Variants in PDZD2 observed in about 807,000 individuals in gnomAD.
The protein encoded by PDZD2 is PDZ domain containing 2.
Under a neutral mutation model 220.7 loss-of-function variants are expected in PDZD2, and 90 were observed. That is an observed-to-expected ratio of 0.41 (90% CI 0.34 to 0.49). PDZD2 has a LOEUF of 0.49. PDZD2 is among the 20% of genes least tolerant of loss of function. The pLI, the probability that PDZD2 is intolerant of heterozygous loss-of-function variation, is 0.28. For missense variants in PDZD2, 3,174 were observed against 3,608.5 expected, an observed-to-expected ratio of 0.88 and a Z score of 3.08; for synonymous variants, 1,375 against 1,450.5, an observed-to-expected ratio of 0.95 and a Z score of 1.18.
At chr5:31,679,231 G>T (rs1256469514) in intron 1 of PDZD2, among the ~76,000 whole-genome samples, 2 of 152,250 alleles carry the variant, frequency 1.3e-5, no homozygotes, top group African/African-American at 4.8e-5. Flanking sequence ...AAAGATCCAT[G>T]CTGGATTGGC....
chr5:31,947,677 C>T (rs893939092), intron 2 of PDZD2, among the ~76,000 whole-genome samples: 4 of 152,086 alleles, frequency 2.6e-5, no homozygotes, highest in Admixed American at 2.0e-4. Context: ...ATTAGCTGGG[C>T]GTGGTGGCAC....
intron 2 of PDZD2, among the ~76,000 whole-genome samples, chr5:31,871,992 A>G (rs1483951506): frequency 1.3e-5 from 2 of 152,170 alleles, no homozygotes; most frequent in Non-Finnish European, 2.9e-5. Flanking sequence ...TGCCTGGCTA[A>G]AAAAGCAGAA....
intron 2 of PDZD2, among the ~76,000 whole-genome samples, chr5:31,969,243 A>C (rs952680880): frequency 6.6e-6 from 1 of 152,122 alleles, no homozygotes; most frequent in African/African-American, 2.4e-5. Flanking sequence ...ACGATGGCTC[A>C]TGCCTGTAAT....
intron 19 of PDZD2, among the ~76,000 whole-genome samples, chr5:32,079,374 C>A (rs997771799): frequency 6.6e-6 from 1 of 151,660 alleles, no homozygotes; most frequent in Non-Finnish European, 1.5e-5. Flanking sequence ...TCCCACTTGT[C>A]GAGCTCTGTG....
chr5:31,751,751 G>A (rs566147417), intron 1 of PDZD2, among the ~76,000 whole-genome samples: 1 of 152,252 alleles, frequency 6.6e-6, no homozygotes, highest in South Asian at 2.1e-4. Context: ...CAGCATCCTG[G>A]GAGAGGTGGT....
rs760039400 is a variant in PDZD2 at position 32,037,297 on chromosome 5, C to T, written c.1474C>T (p.Pro492Ser). 1.2e-6 allele frequency: 2 copies of T among 1,613,526 alleles called. No individual in the cohort carries two copies. Among genetic ancestry groups the T allele is most frequent in the Non-Finnish European group, 1.7e-6 (2 of 1,179,504 alleles). Residue 492 changes from proline (P) to serine (S), a missense_variant, in exon 7 of 25, where the codon CCC (proline) becomes TCC (serine). Pro to Ser is a moderately conservative substitution (Grantham distance 74). Coordinates refer to ENST00000438447, the MANE Select transcript of PDZD2 (RefSeq NM_178140.4). ...GGAATCCAAGGGGAACTTGGAAAGT[C>T]CCAAACAGGGCAGCAATAAAATCAA... Reference protein sequence around the residue: ...AEESKGNLESPKQGSNKIKLK... With the variant: ...AEESKGNLESSKQGSNKIKLK...
chr5:31,810,366 A>C (rs1035414403), intron 2 of PDZD2, among the ~76,000 whole-genome samples: 4 of 144,364 alleles, frequency 2.8e-5, no homozygotes, highest in South Asian at 2.3e-4. Context: ...GGGTTCATGC[A>C]ATTCTCCTGC....
intron 6 of PDZD2, among the ~76,000 whole-genome samples, chr5:32,036,663 C>T (rs10038454): frequency 0.025 from 3,739 of 152,216 alleles, 157 homozygotes; most frequent in African/African-American, 0.086. Context: ...TTCCAGGAGC[C>T]GTCTGATCAA....
chr5:31,915,567 C>A (rs888074513), intron 2 of PDZD2, among the ~76,000 whole-genome samples: 3 of 152,126 alleles, frequency 2.0e-5, no homozygotes, highest in East Asian at 3.8e-4. Flanking sequence ...GAGAAAACAC[C>A]CTGAAGGCGG....
chr5:32,089,672 G>A lies in PDZD2; in HGVS notation c.6224G>A (p.Gly2075Glu). The change falls in exon 20 of 25, where the codon GGA becomes GAA. Residue 2075 changes from glycine (G) to glutamate (E), a missense_variant. Coordinates refer to ENST00000438447, the MANE Select transcript of PDZD2 (RefSeq NM_178140.4). ...TAQPRPTGEK[G>E]GNIMASDRLE... ...CAACCCAGGCCGACTGGCGAAAAAG[G>A]AGGCAACATAATGGCCAGCGATCGC... is the stretch of plus-strand genomic sequence containing the variant. 1.9e-6 allele frequency: 3 copies of A among 1,614,190 alleles called. No homozygotes were observed. The South Asian group carries it at 3.3e-5, about 18-fold the overall frequency.
chr5:32,011,668 C>T (rs529714258), intron 6 of PDZD2, among the ~76,000 whole-genome samples: 9 of 152,236 alleles, frequency 5.9e-5, no homozygotes, highest in Middle Eastern at 6.8e-3. Context: ...CCTTCCCACT[C>T]TCCTGAACCT....
At chr5:31,910,244 T>C (rs2150367202) in intron 2 of PDZD2, among the ~76,000 whole-genome samples, 1 of 108,670 alleles carries the variant, frequency 9.2e-6, no homozygotes, top group East Asian at 2.2e-4. Flanking sequence ...TTTGGAGACT[T>C]AGTCTTGCTC....
chr5:31,832,135 C>T (rs994481411), intron 2 of PDZD2, among the ~76,000 whole-genome samples: 2 of 152,126 alleles, frequency 1.3e-5, no homozygotes, highest in Non-Finnish European at 2.9e-5. Flanking sequence ...TCAAGTGATC[C>T]TCCCACCTTG....
chr5:31,668,139 G>A lies in PDZD2; in HGVS notation c.-361+28702G>A, dbSNP rs143681725. ...GCCTTCCAAAGTACTGGGATTACAGGCGTGGGCCGCTGCACTTGGCCCAAA... is the reference window on the plus strand; with the variant it reads ...GCCTTCCAAAGTACTGGGATTACAGACGTGGGCCGCTGCACTTGGCCCAAA... On this transcript the variant is annotated intron_variant, in intron 1 of 24. Transcript: ENST00000438447. Among the ~76,000 whole-genome samples the A allele has an allele frequency of 1.9e-4, 29 of 152,286 alleles. No homozygotes were observed. The East Asian group carries it at 5.4e-3, about 28-fold the overall frequency.
chr5:32,078,788 G>C (rs1449351932), intron 19 of PDZD2, among the ~76,000 whole-genome samples: 1 of 148,312 alleles, frequency 6.7e-6, no homozygotes. Flanking sequence ...CTGGGTGACA[G>C]AACTAGACCC....
At chr5:31,864,677 G>A (rs1738029739) in intron 2 of PDZD2, among the ~76,000 whole-genome samples, 1 of 151,642 alleles carries the variant, frequency 6.6e-6, no homozygotes, top group Non-Finnish European at 1.5e-5. Context: ...GAACCACCAC[G>A]CCTGGCTAAT....
chr5:31,888,413 A>G (rs578163708), intron 2 of PDZD2, among the ~76,000 whole-genome samples: 2 of 152,280 alleles, frequency 1.3e-5, no homozygotes, highest in East Asian at 3.9e-4. Context: ...GCTGGTCTCA[A>G]ACTCCTGACC....
At chr5:32,103,865 A>G (rs1402708199) in intron 24 of PDZD2, 2 of 152,338 alleles carry the variant, frequency 1.3e-5, no homozygotes, top group South Asian at 4.1e-4. Flanking sequence ...CATCCTTCAG[A>G]TCTGCCTCCA....
At chr5:31,920,401 C>T (rs111684143) in intron 2 of PDZD2, among the ~76,000 whole-genome samples, 2 of 139,300 alleles carry the variant, frequency 1.4e-5, no homozygotes, top group African/African-American at 2.7e-5. Context: ...CCCCCCCCCC[C>T]CACTGGGGTG....
Sources: allele counts gnomAD v4.1 joint callset (sites outside exome capture counted in the v4.1 genomes callset), GRCh38; gene constraint gnomAD v4.1.1; transcripts MANE v1.5; gene names NCBI Gene and HGNC (gene_info 2026-07-23, HGNC 2026-07-21).